Variants in MME observed in about 807,000 individuals in gnomAD.
MME encodes the protein membrane metalloendopeptidase.
MME carries 98 observed loss-of-function variants against 113.2 expected under a neutral mutation model. That is an observed-to-expected ratio of 0.87 (90% CI 0.74 to 1.02). The LOEUF (loss-of-function observed/expected upper bound fraction) is 1.02. Among genes scored for constraint, MME ranks in the 50% least tolerant of loss-of-function variants. The pLI is 0.00. For synonymous variants in MME, 292 were observed against 300.6 expected (o/e 0.97, Z 0.30); for missense variants, 836 against 896.0 (o/e 0.93, Z 0.86).
Position 155,118,805 on chromosome 3 carries a change from T to C in MME, c.714T>C (p.Tyr238=), listed in dbSNP as rs942700460. The change falls in exon 8 of 23, where the codon TAT becomes TAC. Residue 238 remains tyrosine (Y), a synonymous_variant. Coordinates refer to ENST00000360490, the MANE Select transcript of MME (RefSeq NM_007289.4). ...ATTACTATGAATGCACTGGAATCTATAAAGAGGTAAAAAGAAAAAAAATAA... is the reference window on the plus strand; with the variant it reads ...ATTACTATGAATGCACTGGAATCTACAAAGAGGTAAAAAGAAAAAAAATAA... ...SRDYYECTGI[Y]KEACTAYVDF... 1 of 1,591,084 alleles carries C rather than the reference T, an allele frequency of 6.3e-7. No homozygotes were observed. Among genetic ancestry groups the C allele is most frequent in the Non-Finnish European group, 8.6e-7 (1 of 1,161,930 alleles).
At position 155,027,280 on chromosome 3, in the gene MME, G is replaced by A. The variant is rs188514631; in HGVS notation, c.-11+2956G>A. ...TTCCTGTCTCTCTCTTCTCTTGTAC[G>A]TAACACTTCCCTCATCTACACAACC... On this transcript the variant is annotated intron_variant, in intron 1 of 22. Coordinates refer to the MME transcript ENST00000492661. Among the ~76,000 whole-genome samples the A allele has an allele frequency of 8.0e-4, 119 of 148,914 alleles. No individual in the cohort carries two copies. In the Middle Eastern group the frequency reaches 0.011, roughly 13 times the overall value.
intron 14 of MME, among the ~76,000 whole-genome samples, chr3:155,146,530 GAA>G (rs77441064): frequency 7.9e-6 from 1 of 126,784 alleles, no homozygotes; most frequent in Admixed American, 7.8e-5. Context: ...TGTCTCAAAA[GAA>G]AAAAAAAAAA....
intron 1 of MME, chr3:155,081,755 A>G (rs1576692581): frequency 6.6e-6 from 1 of 152,080 alleles, no homozygotes; most frequent in Admixed American, 6.6e-5. Context: ...CTGTCCCCTG[A>G]TGTCTTAAAG....
chr3:155,138,260 T>A, intron 9 of MME, 24 bp downstream of exon 9: 1 of 1,609,996 alleles, frequency 6.2e-7, no homozygotes, highest in Non-Finnish European at 8.5e-7. Flanking sequence ...TTTTTTCTGA[T>A]ACACTGAATA....
intron 3 of MME, among the ~76,000 whole-genome samples, chr3:155,105,340 G>C (rs1418759096): frequency 6.6e-6 from 1 of 152,124 alleles, no homozygotes; most frequent in Non-Finnish European, 1.5e-5. Context: ...CTTAATTTGG[G>C]TTCCTCTGCC....
At chr3:155,165,344 C>A (rs1241164209) in intron 17 of MME, among the ~76,000 whole-genome samples, 1 of 151,920 alleles carries the variant, frequency 6.6e-6, no homozygotes, top group Non-Finnish European at 1.5e-5. Flanking sequence ...TACTCTCCAT[C>A]TTTTATTAGT....
At chr3:155,161,056 A>G (rs61760381) in intron 17 of MME, among the ~76,000 whole-genome samples, 172 of 152,292 alleles carry the variant, frequency 1.1e-3, no homozygotes, top group Middle Eastern at 6.8e-3. Flanking sequence ...TTACAGACAT[A>G]TATATACATT....
chr3:155,125,199 C>T (rs1205839498), intron 8 of MME, among the ~76,000 whole-genome samples: 1 of 148,756 alleles, frequency 6.7e-6, no homozygotes. Flanking sequence ...GTCCGTCACC[C>T]CTTTCTTTGA....
intron 20 of MME, among the ~76,000 whole-genome samples, chr3:155,169,212 T>C (rs1576669792): frequency 6.6e-6 from 1 of 152,298 alleles, no homozygotes; most frequent in South Asian, 2.1e-4. Flanking sequence ...TGAAGTAGCA[T>C]TTGGGAACAA....
intron 1 of MME, among the ~76,000 whole-genome samples, chr3:155,025,158 C>A (rs1451877352): frequency 6.6e-6 from 1 of 152,086 alleles, no homozygotes; most frequent in African/African-American, 2.4e-5. Context: ...TACTCTGGCT[C>A]TGAGAGGAAA....
At chr3:155,124,527 G>GT (rs1357529461) in intron 8 of MME, among the ~76,000 whole-genome samples, 2 of 152,156 alleles carry the variant, frequency 1.3e-5, no homozygotes, top group Non-Finnish European at 2.9e-5. Flanking sequence ...TTTCTGTTCT[G>GT]TTTTTTCCCC....
intron 1 of MME, among the ~76,000 whole-genome samples, chr3:155,039,844 T>C (rs1369754445): frequency 6.6e-6 from 1 of 152,200 alleles, no homozygotes; most frequent in Non-Finnish European, 1.5e-5. Context: ...AAATTATCTA[T>C]ATTTATGGTA....
At chr3:155,144,297 T>A (rs969616536) in intron 13 of MME, 62 bp from the exon 14 acceptor site, 4 of 1,137,880 alleles carry the variant, frequency 3.5e-6, no homozygotes, top group African/African-American at 3.0e-5. Context: ...GCTCTATTTT[T>A]AAAAATCTGT....
intron 1 of MME, among the ~76,000 whole-genome samples, chr3:155,042,901 TA>T (rs1264933076): frequency 1.7e-4 from 8 of 47,968 alleles, no homozygotes; most frequent in South Asian, 8.3e-4. Flanking sequence ...TAGTAGGTTT[TA>T]TATATATATA....
At chr3:155,116,327 G>A (rs1484146922) in intron 4 of MME, 152 bp from the exon 5 acceptor site, 7 of 650,020 alleles carry the variant, frequency 1.1e-5, no homozygotes, top group South Asian at 1.7e-5. Context: ...TTTTGGAACT[G>A]GGGGGAGGAA....
intron 17 of MME, among the ~76,000 whole-genome samples, chr3:155,164,050 G>A (rs1446626773): frequency 6.6e-6 from 1 of 151,750 alleles, no homozygotes; most frequent in Non-Finnish European, 1.5e-5. Flanking sequence ...AGGCTGAGGT[G>A]GGAGGATTTC....
At chr3:155,158,052 A>G (rs1356459452) in intron 16 of MME, among the ~76,000 whole-genome samples, 1 of 152,146 alleles carries the variant, frequency 6.6e-6, no homozygotes, top group African/African-American at 2.4e-5. Flanking sequence ...CAAGATGGAT[A>G]ATATATAAAC....
intron 3 of MME, 142 bp from the exon 4 acceptor site, chr3:155,114,852 C>T (rs1409659074): frequency 5.2e-6 from 4 of 776,542 alleles, no homozygotes; most frequent in Non-Finnish European, 8.7e-6. Flanking sequence ...TCCTCATCCC[C>T]CTGAATTGAC....
intron 8 of MME, among the ~76,000 whole-genome samples, chr3:155,127,248 G>A (rs2108281668): frequency 6.6e-6 from 1 of 152,282 alleles, no homozygotes; most frequent in Admixed American, 6.5e-5. Context: ...CCATCCAGAT[G>A]AGGCAGGAAG....
Sources: gnomAD v4.1 joint callset for allele counts (sites outside exome capture counted in the v4.1 genomes callset) on GRCh38, gnomAD v4.1.1 for gene constraint, MANE v1.5 for transcripts, NCBI Gene and HGNC (gene_info 2026-07-23, HGNC 2026-07-21) for gene names.